Variants in DBX1 observed in about 807,000 individuals in gnomAD.
DBX1 encodes developing brain homeobox 1.
Under a neutral mutation model 20.8 loss-of-function variants are expected in DBX1, and 10 were observed. The observed-to-expected ratio is 0.48, with a 90% CI of 0.30 to 0.82. The LOEUF is 0.82. Among genes scored for constraint, DBX1 ranks in the 40% least tolerant of loss-of-function variants. The pLI, the probability that DBX1 is intolerant of heterozygous loss-of-function variation, is 0.07. For synonymous variants in DBX1, 241 were observed against 213.9 expected (o/e 1.13, Z -1.11); for missense variants, 505 against 468.8 (o/e 1.08, Z -0.71).
At position 20,160,320 on chromosome 11, in the gene DBX1, AT is replaced by A; in HGVS notation, c.4del (p.Met2CysfsTer22). ...GGGGGGCGCGAGGAGGCCGGGGAAC[AT>A]CATGGTAGGCGCGGGCGGGCGAAAT... MMFPGLLAPPAG... is the reference protein window; with the variant it reads MXFPGLLAPPAG... On this transcript the variant is annotated frameshift_variant, in exon 1 of 4. Transcript: ENST00000524983. LOFTEE classifies it high-confidence loss of function. The A allele has an allele frequency of 6.6e-7, 1 of 1,511,482 alleles. No homozygotes were observed. Among genetic ancestry groups the A allele is most frequent in the Non-Finnish European group, 8.8e-7 (1 of 1,131,566 alleles). The allele number at this position is 1,511,482 out of a possible 1,614,324, so 93.6% of individuals were successfully genotyped here.
At chr11:20,158,843 C>T (rs551431403) in intron 2 of DBX1, among the ~76,000 whole-genome samples, 1 of 151,974 alleles carries the variant, frequency 6.6e-6, no homozygotes, top group African/African-American at 2.4e-5. Flanking sequence ...GGTGCTGAAA[C>T]CTTTGTGGGG....
rs1261756440 is a variant in DBX1, at chr11:20,160,138, T to C, written c.187A>G (p.Met63Val). The C allele has an allele frequency of 6.5e-7, 1 of 1,548,396 alleles. No individual in the cohort carries two copies. The change falls in exon 1 of 4, where the codon ATG (methionine) becomes GTG (valine). Residue 63 changes from methionine (M) to valine (V), a missense_variant. Met to Val is a conservative substitution (Grantham distance 21). Coordinates refer to ENST00000524983, the MANE Select transcript of DBX1 (RefSeq NM_001029865.4). ...YLPRSVPTAS[M>V]SPPRQGAPTA... Reference sequence around the variant, plus strand: ...GGGGCCCCCTGCCTGGGCGGCGACATGCTGGCGGTGGGCACGCTGCGGGGC... The same window carrying C: ...GGGGCCCCCTGCCTGGGCGGCGACACGCTGGCGGTGGGCACGCTGCGGGGC...
Position 20,157,184 on chromosome 11 carries a change from G to T in DBX1, c.525C>A (p.Arg175=), listed in dbSNP as rs1341648004. The T allele has an allele frequency of 2.5e-6, 4 of 1,604,284 alleles. No individual in the cohort carries two copies. The Admixed American group carries it at 5.1e-5, about 20-fold the overall frequency. The part of the protein sequence containing the change: ...PGTFSWPLAA[R]GKPRRGMLRR... ...GCAGCATGCCCCGCCGAGGCTTCCC[G>T]CGCGCGGCCAGCGGCCAGGAGAAGG... Residue 175 remains arginine (R), a synonymous_variant, in exon 3 of 4, where the codon CGC becomes CGA. Transcript: ENST00000524983.
At position 20,156,210 on chromosome 11, in the gene DBX1, G is replaced by C; in HGVS notation, c.*4C>G. ...AAAATAGTACTCTGGCGTGCGAGCG[G>C]CTTCTAGGACACGGTGATTTCCTCC... On this transcript the variant is annotated 3_prime_UTR_variant, in exon 4 of 4. Transcript: ENST00000524983. This position sits in a 1 kb window ranked among gnomAD's most constrained non-coding sequence, Gnocchi z 4.8. 2 of 1,516,910 alleles carry C rather than the reference G, an allele frequency of 1.3e-6. No homozygotes were observed. Among genetic ancestry groups the C allele is most frequent in the Non-Finnish European group, 1.8e-6 (2 of 1,133,970 alleles). The allele number at this position is 1,516,910 out of a possible 1,614,324, so 94.0% of individuals were successfully genotyped here. A position where few individuals can be genotyped will look rare whatever the true frequency, so the allele number is the denominator to read the frequency against.
intron 2 of DBX1, among the ~76,000 whole-genome samples, chr11:20,158,034 C>T (rs770124624): frequency 6.6e-6 from 1 of 152,146 alleles, no homozygotes; most frequent in Non-Finnish European, 1.5e-5. Flanking sequence ...AAACTAAACA[C>T]AACTGCAGGC....
At chr11:20,157,341 G>T (rs527320408) in intron 2 of DBX1, 102 bp from the exon 3 acceptor site, 3 of 1,046,544 alleles carry the variant, frequency 2.9e-6, no homozygotes, top group Admixed American at 2.6e-5. Flanking sequence ...TCTTTAAAAC[G>T]CTCCTTTTTC....
rs1482290400 is a variant in DBX1, at chr11:20,160,280, G to A, written c.45C>T (p.Ser15=). Residue 15 remains serine (S), a synonymous_variant, in exon 1 of 4, where the codon AGC becomes AGT. Transcript: ENST00000524983. ...TCAAGGTGGGCGTGGGCCGCAGGAG[G>A]CTAGGGTACCCGGCGGGGGGCGCGA... ...GLLAPPAGYP[S]LLRPTPTLTL... 30 of 1,537,216 alleles carry A rather than the reference G, an allele frequency of 2.0e-5. No homozygotes were observed. In the Admixed American group the frequency reaches 5.2e-4, roughly 27 times the overall value.
intron 3 of DBX1, 23 bp downstream of exon 3, chr11:20,157,014 T>C (rs772492156): frequency 6.6e-7 from 1 of 1,524,964 alleles, no homozygotes; most frequent in African/African-American, 1.5e-5. Context: ...GCGGGGGGGG[T>C]GCTGTGGAGG....
chr11:20,156,418 T>C lies in DBX1; in HGVS notation c.828A>G (p.Glu276=). The C allele has an allele frequency of 6.2e-7, 1 of 1,604,588 alleles. No individual in the cohort carries two copies. Among genetic ancestry groups the C allele is most frequent in the Non-Finnish European group, 8.5e-7 (1 of 1,175,300 alleles). The part of the protein sequence containing the change: ...SDVGQKGPGN[E]EEEEGPGSPS... ...GGCTGCCCGGGCCCTCCTCCTCCTC[T>C]TCGTTCCCAGGGCCCTTCTGGCCCA... Residue 276 remains glutamate (E), a synonymous_variant, in exon 4 of 4, where the codon GAA becomes GAG. Transcript: ENST00000524983. The surrounding 1 kb of genome is among the most constrained non-coding windows in gnomAD (Gnocchi z 4.8).
At position 20,156,622 on chromosome 11, in the gene DBX1, A is replaced by T; in HGVS notation, c.673-49T>A. 1 of 1,613,376 alleles carries T rather than the reference A, an allele frequency of 6.2e-7. No homozygotes were observed. The highest frequency in any genetic ancestry group is 1.1e-5 in the South Asian group (1 of 90,834). On this transcript the variant is annotated intron_variant, in intron 3 of 3. Coordinates refer to ENST00000524983, the MANE Select transcript of DBX1 (RefSeq NM_001029865.4). The surrounding 1 kb of genome is among the most constrained non-coding windows in gnomAD (Gnocchi z 4.8). The stretch of plus-strand genomic sequence containing the variant: ...AGAAGGGAGAAGCAGAGGTCAGATC[A>T]GGGGCTCCGGGGGACGCACGGGGGC...
chr11:20,157,749 T>C (rs2063667547), intron 2 of DBX1, among the ~76,000 whole-genome samples: 3 of 152,114 alleles, frequency 2.0e-5, no homozygotes, highest in Non-Finnish European at 4.4e-5. Context: ...TTTTTTATAT[T>C]AATCCTTCCT....
In DBX1 at chr11:20,157,210, T is replaced by C. The variant is rs1482320115; in HGVS notation, c.499A>G (p.Thr167Ala). The C allele has an allele frequency of 5.7e-6, 9 of 1,587,798 alleles. No homozygotes were observed. The South Asian group carries it at 6.8e-5, about 12-fold the overall frequency. The change falls in exon 3 of 4, where the codon ACC becomes GCC. Residue 167 changes from threonine to alanine, a missense_variant. Physicochemically the swap from Thr to Ala is moderately conservative, Grantham distance 58. Coordinates refer to ENST00000524983, the MANE Select transcript of DBX1 (RefSeq NM_001029865.4). ...ASSSVVPIPG[T>A]FSWPLAARGK... Reference sequence around the variant, plus strand: ...CGCGCGGCCAGCGGCCAGGAGAAGGTCCCGGGGATGGGCACCACGCTGGAG... The same window carrying C: ...CGCGCGGCCAGCGGCCAGGAGAAGGCCCCGGGGATGGGCACCACGCTGGAG...
chr11:20,156,181 C>T lies in DBX1; in HGVS notation c.*33G>A, dbSNP rs2063654300. 1.3e-6 allele frequency: 2 copies of T among 1,512,554 alleles called. No individual in the cohort carries two copies. The highest frequency in any genetic ancestry group is 1.4e-5 in the South Asian group (1 of 74,020). The allele number at this position is 1,512,554 out of a possible 1,614,324, so 93.7% of individuals were successfully genotyped here. A position where few individuals can be genotyped will look rare whatever the true frequency, so the allele number is the denominator to read the frequency against. ...ACCCCACCTCTTCGATTTCAAAGCA[C>T]TTAAAAATAGTACTCTGGCGTGCGA... On this transcript the variant is annotated 3_prime_UTR_variant, in exon 4 of 4. Transcript: ENST00000524983. This position sits in a 1 kb window ranked among gnomAD's most constrained non-coding sequence, Gnocchi z 4.8.
chr11:20,159,140 C>T (rs771993925), intron 2 of DBX1, 51 bp downstream of exon 2: 4 of 1,317,502 alleles, frequency 3.0e-6, no homozygotes, highest in East Asian at 2.3e-5. Context: ...AGCGATGGGC[C>T]GGGGCTGGGG....
Position 20,159,985 on chromosome 11 carries a change from C to G in DBX1, c.340G>C (p.Ala114Pro). Residue 114 changes from alanine to proline, a missense_variant, in exon 1 of 4, where the codon GCC becomes CCC. Physicochemically the swap from Ala to Pro is conservative, Grantham distance 27. Transcript: ENST00000524983. ...GTTCTGGGCCCCGAGGAGAGGATGG[C>G]GTTCACTCCAAACTTCAGAAACGTC... ...ETTFLKFGVNAILSSGPRTET... is the reference protein window; with the variant it reads ...ETTFLKFGVNPILSSGPRTET... The G allele has an allele frequency of 6.2e-7, 1 of 1,613,886 alleles. No homozygotes were observed.
Position 20,160,442 on chromosome 11 carries a change from G to A in DBX1, c.-118C>T. ...TCTTGGGCTTAGCAAACGTCTCCAA[G>A]TAACAATCCCACTTGGGCGTCTGCG... On this transcript the variant is annotated 5_prime_UTR_variant, in exon 1 of 4. Transcript: ENST00000524983. The A allele has an allele frequency of 7.6e-7, 1 of 1,312,030 alleles. No homozygotes were observed. Among genetic ancestry groups the A allele is most frequent in the Non-Finnish European group, 9.9e-7 (1 of 1,011,976 alleles). The allele number at this position is 1,312,030 out of a possible 1,614,324, so 81.3% of individuals were successfully genotyped here.
At position 20,156,776 on chromosome 11, in the gene DBX1, C is replaced by A; in HGVS notation, c.673-203G>T. 2 of 897,936 alleles carry A rather than the reference C, an allele frequency of 2.2e-6. No homozygotes were observed. Among genetic ancestry groups the A allele is most frequent in the Non-Finnish European group, 1.8e-6 (1 of 568,258 alleles). The allele number at this position is 897,936 out of a possible 1,614,324, so 55.6% of individuals were successfully genotyped here. On this transcript the variant is annotated intron_variant, in intron 3 of 3. Coordinates refer to ENST00000524983, the MANE Select transcript of DBX1 (RefSeq NM_001029865.4). This position sits in a 1 kb window ranked among gnomAD's most constrained non-coding sequence, Gnocchi z 4.8. ...AGCTCGCGGTTCCGTTTGCCTCATCCGCTGCCACCCTGCCCCGAAGGGCGG... is the reference window on the plus strand; with the variant it reads ...AGCTCGCGGTTCCGTTTGCCTCATCAGCTGCCACCCTGCCCCGAAGGGCGG...
intron 1 of DBX1, 86 bp downstream of exon 1, chr11:20,159,872 C>T: frequency 1.9e-6 from 3 of 1,587,616 alleles, no homozygotes; most frequent in Non-Finnish European, 1.7e-6. Flanking sequence ...TGTGTGGGGG[C>T]CCGCTCGCTA....
Position 20,158,564 on chromosome 11 carries a change from A to G in DBX1, c.469+627T>C, listed in dbSNP as rs185929039. 3.9e-3 allele frequency among the ~76,000 whole-genome samples: 601 copies of G among 152,240 alleles called. 5 individuals carry two copies. The highest frequency in any genetic ancestry group is 7.9e-3 in the Non-Finnish European group (537 of 68,024). On this transcript the variant is annotated intron_variant, in intron 2 of 3. Coordinates refer to ENST00000524983, the MANE Select transcript of DBX1 (RefSeq NM_001029865.4). ...TATTTTGCAAGATCAACGGTATTTTATAATACAGGGTGGGAAAGGAGTATG... is the reference window on the plus strand; with the variant it reads ...TATTTTGCAAGATCAACGGTATTTTGTAATACAGGGTGGGAAAGGAGTATG...
Sources: gnomAD v4.1 joint callset for allele counts (sites outside exome capture counted in the v4.1 genomes callset) on GRCh38, gnomAD v4.1.1 for gene constraint, Gnocchi (gnomAD v3.1) non-coding constraint, MANE v1.5 for transcripts, NCBI Gene and HGNC (gene_info 2026-07-23, HGNC 2026-07-21) for gene names.